The following GRB10 variants were observed in gnomAD, a reference collection of about 807,000 sequenced individuals.
GRB10 encodes the protein growth factor receptor-bound protein 10.
GRB10 carries 20 observed loss-of-function variants against 80.9 expected under a neutral mutation model. That is an observed-to-expected ratio of 0.25 (90% CI 0.17 to 0.36). The LOEUF (loss-of-function observed/expected upper bound fraction) is 0.36. GRB10 is among the 10% of genes least tolerant of loss of function. The pLI, the probability that GRB10 is intolerant of heterozygous loss-of-function variation, is 1.00. For synonymous variants in GRB10, 291 were observed against 291.5 expected (o/e 1.00, Z 0.02); for missense variants, 548 against 747.7 (o/e 0.73, Z 3.12).
intron 5 of GRB10, among the ~76,000 whole-genome samples, chr7:50,699,600 C>T (rs2063879499): frequency 6.6e-6 from 1 of 152,154 alleles, no homozygotes; most frequent in African/African-American, 2.4e-5. Flanking sequence ...TATAATAAAA[C>T]CAACTTGGTC....
intron 4 of GRB10, among the ~76,000 whole-genome samples, chr7:50,706,952 C>A (rs2065124131): frequency 6.6e-6 from 1 of 152,258 alleles, no homozygotes; most frequent in Non-Finnish European, 1.5e-5. Context: ...TTCCACTTCT[C>A]CCATGACGAG....
At chr7:50,604,206 G>A in intron 16 of GRB10, 105 bp downstream of exon 16, 4 of 1,281,362 alleles carry the variant, frequency 3.1e-6, no homozygotes, top group Non-Finnish European at 4.6e-6. Context: ...AGCTTGTGTG[G>A]TGCACTCTGG....
chr7:50,604,257 G>A, intron 16 of GRB10, 54 bp downstream of exon 16: 1 of 1,446,952 alleles, frequency 6.9e-7, no homozygotes, highest in Non-Finnish European at 9.7e-7. Flanking sequence ...GTGGAGGGGG[G>A]TGCTGTTTGA....
intron 4 of GRB10, among the ~76,000 whole-genome samples, chr7:50,729,040 C>T (rs1016660046): frequency 2.6e-5 from 4 of 152,130 alleles, no homozygotes; most frequent in Admixed American, 6.5e-5. Flanking sequence ...GTAGGTTCCC[C>T]GCCTGAAGCT....
In GRB10 at chr7:50,605,353, T is replaced by A; in HGVS notation, c.1326A>T (p.Gly442=). ...CCTCTGCCGGATTCTCTATCACGCG[T>A]CCTGTTTGCCCAGAAAAATCCATTG... ...LVAMDFSGQT[G]RVIENPAEAQ... is the part of the protein sequence containing the mutation. Residue 442 remains glycine (G), a synonymous_variant, in exon 15 of 19, where the codon GGA becomes GGT. Coordinates refer to ENST00000401949, the MANE Select transcript of GRB10 (RefSeq NM_001350814.2). The A allele has an allele frequency of 1.2e-6, 2 of 1,614,148 alleles. No individual in the cohort carries two copies. The highest frequency in any genetic ancestry group is 1.1e-5 in the South Asian group (1 of 91,074).
intron 6 of GRB10, among the ~76,000 whole-genome samples, chr7:50,671,515 C>T (rs2060348354): frequency 6.6e-6 from 1 of 152,230 alleles, no homozygotes; most frequent in Non-Finnish European, 1.5e-5. Flanking sequence ...TGAAGGGAAT[C>T]AGTGCTGCGA....
At chr7:50,613,862 G>A (rs1344666195) in intron 12 of GRB10, among the ~76,000 whole-genome samples, 3 of 152,196 alleles carry the variant, frequency 2.0e-5, no homozygotes, top group South Asian at 2.1e-4. Flanking sequence ...GGGGCTCCCC[G>A]TATTGTGTGT....
chr7:50,691,990 C>A (rs183328031), intron 5 of GRB10, among the ~76,000 whole-genome samples: 1 of 152,118 alleles, frequency 6.6e-6, no homozygotes, highest in Non-Finnish European at 1.5e-5. Context: ...ATACAGTTAG[C>A]CCCCCATATC....
chr7:50,710,516 G>C (rs1317065970), intron 4 of GRB10, among the ~76,000 whole-genome samples: 1 of 152,178 alleles, frequency 6.6e-6, no homozygotes, highest in Non-Finnish European at 1.5e-5. Context: ...CAGAGAACCA[G>C]GGTATGTTGT....
rs189902418 is a variant in GRB10, at chr7:50,591,870, T to C, written c.*1082A>G. Reference sequence around the variant, plus strand: ...CAGCGTTTCCTTGTCTTTATCACTATGGAAACCCATGAGACACAGCACGAA... The same window carrying C: ...CAGCGTTTCCTTGTCTTTATCACTACGGAAACCCATGAGACACAGCACGAA... On this transcript the variant is annotated 3_prime_UTR_variant, in exon 19 of 19. Coordinates refer to ENST00000401949, the MANE Select transcript of GRB10 (RefSeq NM_001350814.2). 1.3e-5 allele frequency: 2 copies of C among 152,370 alleles called. No homozygotes were observed. Among genetic ancestry groups the C allele is most frequent in the African/African-American group, 4.8e-5 (2 of 41,580 alleles). The allele number at this position is 152,370 out of a possible 1,614,324, so 9.4% of individuals were successfully genotyped here. A position where few individuals can be genotyped will look rare whatever the true frequency, so the allele number is the denominator to read the frequency against.
At chr7:50,711,082 G>C in intron 4 of GRB10, 1 of 634,032 alleles carries the variant, frequency 1.6e-6, no homozygotes, top group East Asian at 2.7e-5. Context: ...GATTCGAAAT[G>C]TCTTCCACCT....
intron 2 of GRB10, among the ~76,000 whole-genome samples, chr7:50,772,640 T>C (rs2077098764): frequency 6.6e-6 from 1 of 152,346 alleles, no homozygotes. Flanking sequence ...AATAAAATTA[T>C]CTGTTAAACT....
At chr7:50,601,775 C>T (rs909364295) in intron 17 of GRB10, among the ~76,000 whole-genome samples, 6 of 151,910 alleles carry the variant, frequency 3.9e-5, no homozygotes, top group Admixed American at 2.0e-4. Context: ...TTTAAAAAAG[C>T]CCATGTCCTA....
At chr7:50,672,298 C>T (rs755756071) in intron 6 of GRB10, among the ~76,000 whole-genome samples, 13 of 152,310 alleles carry the variant, frequency 8.5e-5, no homozygotes, top group East Asian at 1.9e-4. Context: ...GCCCAGTTAC[C>T]GCCCCGCTGT....
At chr7:50,765,420 C>G (rs2076237292) in intron 2 of GRB10, among the ~76,000 whole-genome samples, 1 of 152,130 alleles carries the variant, frequency 6.6e-6, no homozygotes, top group African/African-American at 2.4e-5. Context: ...ATCTAAGTGT[C>G]CAACAACAAT....
upstream of GRB10, among the ~76,000 whole-genome samples, chr7:50,787,295 G>GAGT (rs397780910): frequency 6.6e-6 from 1 of 151,868 alleles, no homozygotes; most frequent in African/African-American, 2.4e-5. Context: ...GGAGGAGGAG[G>GAGT]TTGCCAGGAA....
At chr7:50,607,930 A>G (rs1585594288) in intron 13 of GRB10, among the ~76,000 whole-genome samples, 1 of 151,898 alleles carries the variant, frequency 6.6e-6, no homozygotes, top group East Asian at 1.9e-4. Context: ...CTCTTCTTTC[A>G]TGGGATCTAA....
At chr7:50,781,767 C>A (rs1424826132) in intron 1 of GRB10, among the ~76,000 whole-genome samples, 2 of 152,236 alleles carry the variant, frequency 1.3e-5, no homozygotes, top group Non-Finnish European at 2.9e-5. Context: ...AGGGCTAGGA[C>A]GTCCTACGTG....
chr7:50,620,408 G>A (rs1450929125), intron 8 of GRB10, among the ~76,000 whole-genome samples: 2 of 152,196 alleles, frequency 1.3e-5, no homozygotes, highest in African/African-American at 4.8e-5. Context: ...GAGTCAAAGT[G>A]ATCTCAGAAT....
Sources: allele counts gnomAD v4.1 joint callset (sites outside exome capture counted in the v4.1 genomes callset), GRCh38; gene constraint gnomAD v4.1.1; transcripts MANE v1.5; gene names NCBI Gene and HGNC (gene_info 2026-07-23, HGNC 2026-07-21).